PAPPA: variants seen among roughly 807,000 people sequenced by gnomAD.
The protein encoded by PAPPA is pappalysin 1, also known as pappalysin-1.
In PAPPA, 60 loss-of-function variants were observed where a neutral mutation model predicts 164.0. The ratio of observed to expected loss-of-function variants is 0.37; its 90% CI spans 0.30 to 0.45. The LOEUF is 0.45. PAPPA is among the 20% of genes least tolerant of loss of function. The pLI, the probability that PAPPA is intolerant of heterozygous loss-of-function variation, is 1.00. For synonymous variants in PAPPA, 875 were observed against 814.1 expected (o/e 1.07, Z -1.27); for missense variants, 1,782 against 2,087.3 (o/e 0.85, Z 2.85).
chr9:116,198,467 C>T (rs945949071), intron 2 of PAPPA, among the ~76,000 whole-genome samples: 5 of 152,214 alleles, frequency 3.3e-5, no homozygotes, highest in African/African-American at 1.2e-4. Flanking sequence ...AAGCACAGTG[C>T]TAGGTGCTAG....
At position 116,235,552 on chromosome 9, in the gene PAPPA, C is replaced by T. The variant is rs150565427; in HGVS notation, c.2647C>T (p.Pro883Ser). Residue 883 changes from proline to serine, a missense_variant, in exon 7 of 22, where the codon CCC becomes TCC. Coordinates refer to ENST00000328252, the MANE Select transcript of PAPPA (RefSeq NM_002581.5). The part of the protein sequence containing the change: ...ADTPLCLQCK[P>S]LKYKVVRDPP... ...CACCCCACTCTGTCTACAGTGTAAG[C>T]CCCTGAAGTATAAGGTGGTCCGGGA... The T allele has an allele frequency of 6.2e-7, 1 of 1,613,590 alleles. No homozygotes were observed. Among genetic ancestry groups the T allele is most frequent in the South Asian group, 1.1e-5 (1 of 91,048 alleles).
At chr9:116,155,012 C>G (rs1357174692) in intron 1 of PAPPA, among the ~76,000 whole-genome samples, 3 of 152,204 alleles carry the variant, frequency 2.0e-5, no homozygotes, top group Non-Finnish European at 4.4e-5. Context: ...GGAGGTAACT[C>G]CCCTTCATTA....
chr9:116,349,154 C>T (rs1194058084), intron 15 of PAPPA, among the ~76,000 whole-genome samples: 1 of 150,758 alleles, frequency 6.6e-6, no homozygotes, highest in African/African-American at 2.4e-5. Context: ...TCCCCCCGTA[C>T]CAGCCCTTGG....
intron 1 of PAPPA, among the ~76,000 whole-genome samples, chr9:116,177,417 T>A (rs1297683980): frequency 1.3e-5 from 2 of 152,214 alleles, no homozygotes; most frequent in Non-Finnish European, 2.9e-5. Context: ...AATTGGTGCT[T>A]TCTACTTGCC....
At chr9:116,289,894 A>C (rs1845415107) in intron 9 of PAPPA, among the ~76,000 whole-genome samples, 1 of 152,184 alleles carries the variant, frequency 6.6e-6, no homozygotes, top group African/African-American at 2.4e-5. Flanking sequence ...CACTCTAGTG[A>C]AGGTGAAAAC....
chr9:116,272,642 G>T (rs1845150895), intron 9 of PAPPA, among the ~76,000 whole-genome samples: 1 of 152,170 alleles, frequency 6.6e-6, no homozygotes, highest in South Asian at 2.1e-4. Flanking sequence ...TTGGAAGATA[G>T]GTAGATGCCC....
At chr9:116,248,498 GTC>G (rs1160719768) in intron 7 of PAPPA, among the ~76,000 whole-genome samples, 1 of 152,200 alleles carries the variant, frequency 6.6e-6, no homozygotes, top group African/African-American at 2.4e-5. Context: ...TTGTTAGTAA[GTC>G]TGAACTTTGA....
At chr9:116,395,543 G>A (rs1006939812) in intron 21 of PAPPA, among the ~76,000 whole-genome samples, 6 of 152,188 alleles carry the variant, frequency 3.9e-5, no homozygotes, top group Non-Finnish European at 7.3e-5. Context: ...TTCAGGTGGG[G>A]ACTCAAGCAG....
At chr9:116,157,701 G>C (rs1215367202) in intron 1 of PAPPA, among the ~76,000 whole-genome samples, 1 of 152,226 alleles carries the variant, frequency 6.6e-6, no homozygotes, top group East Asian at 1.9e-4. Flanking sequence ...ACCGCTGAGA[G>C]AATGTGTCTC....
At chr9:116,243,175 A>T (rs1182959370) in intron 7 of PAPPA, among the ~76,000 whole-genome samples, 1 of 152,194 alleles carries the variant, frequency 6.6e-6, no homozygotes, top group African/African-American at 2.4e-5. Context: ...TTATGTATTG[A>T]TATATTTATC....
chr9:116,316,799 G>A (rs1454418583), intron 10 of PAPPA, among the ~76,000 whole-genome samples: 1 of 152,216 alleles, frequency 6.6e-6, no homozygotes, highest in Non-Finnish European at 1.5e-5. Flanking sequence ...ATCCTTTGGA[G>A]ACTCTTCCTA....
rs957438676 is a variant in PAPPA, at chr9:116,400,490, T to A, written c.*3874T>A. ...GAGGGCTTATATTGGTTTTTCCAGC[T>A]ATTAAGGGGACATATTGTGTCGTTG... On this transcript the variant is annotated 3_prime_UTR_variant, in exon 22 of 22. Transcript: ENST00000328252. 6.6e-6 allele frequency: 1 copy of A among 152,066 alleles called. No individual in the cohort carries two copies. The highest frequency in any genetic ancestry group is 1.5e-5 in the Non-Finnish European group (1 of 67,996). The allele number at this position is 152,066 out of a possible 1,614,324, so 9.4% of individuals were successfully genotyped here. A position where few individuals can be genotyped will look rare whatever the true frequency, so the allele number is the denominator to read the frequency against.
chr9:116,164,740 G>T (rs1843702379), intron 1 of PAPPA, among the ~76,000 whole-genome samples: 1 of 152,172 alleles, frequency 6.6e-6, no homozygotes, highest in Non-Finnish European at 1.5e-5. Flanking sequence ...TATGGAGGGG[G>T]TTATTTTCCC....
At chr9:116,227,316 G>T (rs921537680) in intron 5 of PAPPA, 115 bp from the exon 6 acceptor site, 2 of 1,093,598 alleles carry the variant, frequency 1.8e-6, no homozygotes, top group South Asian at 1.5e-5. Context: ...GGCAGGAAAG[G>T]GGGAAACACA....
chr9:116,396,391 TAACTTG>T (rs1290745269), intron 21 of PAPPA, 112 bp from the exon 22 acceptor site: 3 of 724,184 alleles, frequency 4.1e-6, no homozygotes, highest in African/African-American at 3.5e-5. Context: ...AGCAGAGCCA[TAACTTG>T]AACTTGAACC....
chr9:116,155,812 C>T (rs1192413382), intron 1 of PAPPA, among the ~76,000 whole-genome samples: 1 of 152,162 alleles, frequency 6.6e-6, no homozygotes, highest in African/African-American at 2.4e-5. Context: ...AATACGTCTC[C>T]CGAAGCCCCC....
chr9:116,165,805 C>T (rs1843713712), intron 1 of PAPPA, among the ~76,000 whole-genome samples: 3 of 152,192 alleles, frequency 2.0e-5, no homozygotes, highest in African/African-American at 7.2e-5. Flanking sequence ...CCAGAGTTTT[C>T]TCTCTTCTGA....
intron 2 of PAPPA, among the ~76,000 whole-genome samples, chr9:116,188,926 C>T (rs577846745): frequency 1.2e-4 from 18 of 152,314 alleles, no homozygotes; most frequent in African/African-American, 4.3e-4. Flanking sequence ...AAAGTACACT[C>T]TCTTACAGCA....
chr9:116,351,267 A>C (rs1846278550), intron 15 of PAPPA, among the ~76,000 whole-genome samples: 1 of 152,198 alleles, frequency 6.6e-6, no homozygotes, highest in African/African-American at 2.4e-5. Context: ...ATAAGCACTA[A>C]ATAGATATTT....
Sources: gnomAD v4.1 joint callset for allele counts (sites outside exome capture counted in the v4.1 genomes callset) on GRCh38, gnomAD v4.1.1 for gene constraint, MANE v1.5 for transcripts, NCBI Gene and HGNC (gene_info 2026-07-23, HGNC 2026-07-21) for gene names.